Variants in PLCG2 observed in about 807,000 individuals in gnomAD.
The protein encoded by PLCG2 is phospholipase C gamma 2.
Under a neutral mutation model 175.6 loss-of-function variants are expected in PLCG2, and 69 were observed. That is an observed-to-expected ratio of 0.39 (90% CI 0.32 to 0.48). The LOEUF is 0.48. Among genes scored for constraint, PLCG2 ranks in the 20% least tolerant of loss-of-function variants. The probability of loss-of-function intolerance (pLI) is 0.91; values close to 1 mark genes in which losing one functional copy is unlikely to be tolerated. For missense variants in PLCG2, 1,798 were observed against 1,650.9 expected, an observed-to-expected ratio of 1.09 and a Z score of -1.54; for synonymous variants, 827 against 624.0, an observed-to-expected ratio of 1.33 and a Z score of -4.85.
chr16:81,744,713 A>C (rs1909670185), intron 1 of PLCG2, among the ~76,000 whole-genome samples: 1 of 152,058 alleles, frequency 6.6e-6, no homozygotes, highest in Admixed American at 6.6e-5. Context: ...CTGGGTCTAC[A>C]GGCATGGGTC....
intron 5 of PLCG2, among the ~76,000 whole-genome samples, chr16:81,860,565 C>T (rs550099203): frequency 8.5e-5 from 13 of 152,224 alleles, no homozygotes; most frequent in Admixed American, 2.0e-4. Context: ...CATCTGCAAC[C>T]GAGGCAACCA....
chr16:81,781,170 G>A (rs1416229386), intron 1 of PLCG2, among the ~76,000 whole-genome samples: 2 of 152,172 alleles, frequency 1.3e-5, no homozygotes, highest in African/African-American at 2.4e-5. Flanking sequence ...CCCAGCCTCC[G>A]ATAAATAGTA....
chr16:81,900,669 G>A lies in PLCG2; in HGVS notation c.1251G>A (p.Met417Ile). 1 of 1,612,644 alleles carries A rather than the reference G, an allele frequency of 6.2e-7. No individual in the cohort carries two copies. The highest frequency in any genetic ancestry group is 8.5e-7 in the Non-Finnish European group (1 of 1,178,720). ...EHCSVEQQRH[M>I]AKAFKEVFGD... is the part of the protein sequence containing the mutation. ...GCAGCGTGGAGCAACAGCGTCACAT[G>A]GCCAAGGCCTTCAAGGAAGTATTTG... The change falls in exon 14 of 33, where the codon ATG becomes ATA. Residue 417 changes from methionine (M) to isoleucine (I), a missense_variant. Transcript: ENST00000564138.
intron 8 of PLCG2, among the ~76,000 whole-genome samples, chr16:81,881,923 A>G (rs1908100877): frequency 6.6e-6 from 1 of 151,476 alleles, no homozygotes; most frequent in East Asian, 1.9e-4. Flanking sequence ...AAGTGCTGGG[A>G]TTACAGGCAT....
intron 5 of PLCG2, among the ~76,000 whole-genome samples, chr16:81,860,939 T>C (rs1906949445): frequency 6.6e-6 from 1 of 151,960 alleles, no homozygotes. Context: ...ATCGCGCCAC[T>C]CTACTGTGGC....
chr16:81,739,061 T>C (rs1909525113), upstream of PLCG2: 1 of 151,402 alleles, frequency 6.6e-6, no homozygotes, highest in Non-Finnish European at 1.5e-5. Context: ...TAGAGAGTGC[T>C]GTGCAGGAGG....
intron 5 of PLCG2, among the ~76,000 whole-genome samples, chr16:81,867,318 G>C (rs770345876): frequency 1.3e-5 from 2 of 152,200 alleles, no homozygotes; most frequent in Non-Finnish European, 2.9e-5. Context: ...TGGACACTTG[G>C]CTCCAGCCAG....
At chr16:81,950,607 T>A (rs1482893670) in intron 31 of PLCG2, among the ~76,000 whole-genome samples, 1 of 152,208 alleles carries the variant, frequency 6.6e-6, no homozygotes, top group Non-Finnish European at 1.5e-5. Flanking sequence ...ATAAATTTGA[T>A]TGCATTCGTT....
chr16:81,869,155 TAAATC>T, intron 5 of PLCG2, 54 bp from the exon 6 acceptor site: 1 of 1,315,994 alleles, frequency 7.6e-7, no homozygotes, highest in Non-Finnish European at 1.1e-6. Flanking sequence ...TGGGAGCAGC[TAAATC>T]CTGTGCTGTT....
rs1396122255 is a variant in PLCG2, at chr16:81,786,166, C to A, written c.177C>A (p.Asp59Glu). ...TRQVAWSKTADKIEGFLDIME... is the reference protein window; with the variant it reads ...TRQVAWSKTAEKIEGFLDIME... ...AGGTGGCCTGGAGCAAGACCGCTGA[C>A]AAGATCGAGGGCTTCTGTGAGTACT... The change falls in exon 2 of 33, where the codon GAC becomes GAA. Residue 59 changes from aspartate to glutamate, a missense_variant. Physicochemically the swap from Asp to Glu is conservative, Grantham distance 45 (BLOSUM62 2). Transcript: ENST00000564138. 2.5e-6 allele frequency: 4 copies of A among 1,613,908 alleles called. No homozygotes were observed. The highest frequency in any genetic ancestry group is 4.5e-5 in the East Asian group (2 of 44,884).
intron 7 of PLCG2, among the ~76,000 whole-genome samples, chr16:81,876,110 C>T (rs1443948708): frequency 1.3e-5 from 2 of 149,296 alleles, no homozygotes; most frequent in African/African-American, 5.0e-5. Flanking sequence ...ACTGCAGCCT[C>T]GAACTCCCTG....
At chr16:81,860,160 ATTATTATTATTAT>A (rs1400907380) in intron 5 of PLCG2, among the ~76,000 whole-genome samples, 3 of 97,442 alleles carry the variant, frequency 3.1e-5, no homozygotes, top group Non-Finnish European at 7.1e-5. Context: ...TATTATTATT[ATTATTATTATTAT>A]TTTTTTTTTT....
In PLCG2 at chr16:81,843,804, G is replaced by A. The variant is rs184182341; in HGVS notation, c.194-10640G>A. 1.3e-3 allele frequency among the ~76,000 whole-genome samples: 192 copies of A among 152,352 alleles called. 1 individual carries two copies. Among genetic ancestry groups the A allele is most frequent in the Middle Eastern group, 3.4e-3 (1 of 294 alleles). On this transcript the variant is annotated intron_variant, in intron 2 of 32. Coordinates refer to ENST00000564138, the MANE Select transcript of PLCG2 (RefSeq NM_002661.5). Reference sequence around the variant, plus strand: ...GGTAGTTTGCTTGTCAGAAGCAAATGCTGGGATGAAAGAAGAACTCAATAG... The same window carrying A: ...GGTAGTTTGCTTGTCAGAAGCAAATACTGGGATGAAAGAAGAACTCAATAG...
At chr16:81,849,786 A>AC (rs1200360720) in intron 2 of PLCG2, among the ~76,000 whole-genome samples, 3 of 134,448 alleles carry the variant, frequency 2.2e-5, no homozygotes, top group African/African-American at 7.6e-5. Flanking sequence ...AAAAAAAAAA[A>AC]AAAAAAAAAA....
At chr16:81,842,139 G>C (rs1905865794) in intron 2 of PLCG2, among the ~76,000 whole-genome samples, 1 of 152,214 alleles carries the variant, frequency 6.6e-6, no homozygotes, top group South Asian at 2.1e-4. Flanking sequence ...GCACCCCTGG[G>C]GAGCATAAGC....
chr16:81,849,473 T>C (rs901881873), intron 2 of PLCG2, among the ~76,000 whole-genome samples: 4 of 152,152 alleles, frequency 2.6e-5, no homozygotes, highest in Non-Finnish European at 4.4e-5. Context: ...AAAGATCCCC[T>C]CTTGGCTGGG....
chr16:81,766,144 G>A (rs1910144865), intron 2 of PLCG2, among the ~76,000 whole-genome samples: 2 of 152,176 alleles, frequency 1.3e-5, no homozygotes, highest in South Asian at 4.1e-4. Context: ...CATGGGCACT[G>A]TTTATGATGG....
chr16:81,858,006 AT>A (rs2143486270), intron 3 of PLCG2: 1 of 466,994 alleles, frequency 2.1e-6, no homozygotes, highest in East Asian at 3.1e-5. Flanking sequence ...TTCTTAGCTG[AT>A]TCCATTTGGC....
chr16:81,921,535 C>T (rs1910062115), intron 21 of PLCG2: 2 of 463,838 alleles, frequency 4.3e-6, no homozygotes, highest in Non-Finnish European at 7.9e-6. Flanking sequence ...CAAATGGCTT[C>T]TAATGAAAAG....
Sources: gnomAD v4.1 joint callset for allele counts (sites outside exome capture counted in the v4.1 genomes callset) on GRCh38, gnomAD v4.1.1 for gene constraint, MANE v1.5 for transcripts, NCBI Gene and HGNC (gene_info 2026-07-23, HGNC 2026-07-21) for gene names.